Variants in PCDHGB6 observed in about 807,000 individuals in gnomAD.
The protein encoded by PCDHGB6 is protocadherin gamma subfamily B, 6, also known as protocadherin gamma-B6.
A neutral mutation model predicts 59.1 loss-of-function variants in PCDHGB6; 51 were observed. The observed-to-expected ratio is 0.86, with a 90% CI of 0.69 to 1.09. The LOEUF (loss-of-function observed/expected upper bound fraction) is 1.09, where lower values mean the gene tolerates loss of function less well. Among genes scored for constraint, PCDHGB6 ranks in the 50% least tolerant of loss-of-function variants. The pLI, the probability that PCDHGB6 is intolerant of heterozygous loss-of-function variation, is 0.00. For missense variants in PCDHGB6, 1,148 were observed against 1,205.1 expected, an observed-to-expected ratio of 0.95 and a Z score of 0.70; for synonymous variants, 466 against 495.1, an observed-to-expected ratio of 0.94 and a Z score of 0.78.
At chr5:141,415,966 C>A in intron 1 of PCDHGB6, 1 of 405,602 alleles carries the variant, frequency 2.5e-6, no homozygotes, top group East Asian at 5.2e-5. Context: ...AAACTCCAGC[C>A]CCTTAAGCAA....
Position 141,485,633 on chromosome 5 carries a change from T to C in PCDHGB6, c.2419-9174T>C. 2 of 1,611,808 alleles carry C rather than the reference T, an allele frequency of 1.2e-6. No homozygotes were observed. Among genetic ancestry groups the C allele is most frequent in the South Asian group, 1.1e-5 (1 of 90,962 alleles). On this transcript the variant is annotated intron_variant, in intron 1 of 3. Coordinates refer to ENST00000520790, the MANE Select transcript of PCDHGB6 (RefSeq NM_018926.3). The surrounding 1 kb of genome is among the most constrained non-coding windows in gnomAD (Gnocchi z 5.7). Reference sequence around the variant, plus strand: ...AGCTCCTCCAGGACAGCGTTTCCCGTTGGAAAAGGCTCAGGATGCAGATGT... The same window carrying C: ...AGCTCCTCCAGGACAGCGTTTCCCGCTGGAAAAGGCTCAGGATGCAGATGT...
chr5:141,478,826 G>A, intron 1 of PCDHGB6: 2 of 1,439,244 alleles, frequency 1.4e-6, no homozygotes, highest in Non-Finnish European at 1.8e-6. Context: ...AACCAATCTT[G>A]CTAAGGGATG....
chr5:141,415,966 C>G, intron 1 of PCDHGB6: 1 of 405,604 alleles, frequency 2.5e-6, no homozygotes, highest in Non-Finnish European at 4.0e-6. Flanking sequence ...AAACTCCAGC[C>G]CCTTAAGCAA....
chr5:141,476,951 A>C lies in PCDHGB6; in HGVS notation c.2419-17856A>C. On this transcript the variant is annotated intron_variant, in intron 1 of 3. Coordinates refer to ENST00000520790, the MANE Select transcript of PCDHGB6 (RefSeq NM_018926.3). The surrounding 1 kb of genome is among the most constrained non-coding windows in gnomAD (Gnocchi z 7.6). ...TCTGGATGAAGGCCCCAACGGTGAA[A>C]TTATTTACTCCTTCGGCAGCCACAA... 6.2e-7 allele frequency: 1 copy of C among 1,614,184 alleles called. No individual in the cohort carries two copies. Among genetic ancestry groups the C allele is most frequent in the South Asian group, 1.1e-5 (1 of 91,088 alleles).
At position 141,476,458 on chromosome 5, in the gene PCDHGB6, C is replaced by A. The variant is rs368153419; in HGVS notation, c.2419-18349C>A. Reference sequence around the variant, plus strand: ...TAACTCTGGAGTTGGTAGTGGAGAACCCGCTGGAGCTGTTCAGCGTGGAAG... The same window carrying A: ...TAACTCTGGAGTTGGTAGTGGAGAAACCGCTGGAGCTGTTCAGCGTGGAAG... On this transcript the variant is annotated intron_variant, in intron 1 of 3. Transcript: ENST00000520790. This position sits in a 1 kb window ranked among gnomAD's most constrained non-coding sequence, Gnocchi z 7.6. 1 of 1,613,928 alleles carries A rather than the reference C, an allele frequency of 6.2e-7. No individual in the cohort carries two copies. Among genetic ancestry groups the A allele is most frequent in the Non-Finnish European group, 8.5e-7 (1 of 1,180,022 alleles).
intron 1 of PCDHGB6, among the ~76,000 whole-genome samples, chr5:141,459,546 C>T (rs575349914): frequency 9.9e-5 from 15 of 152,102 alleles, no homozygotes; most frequent in African/African-American, 3.6e-4. Flanking sequence ...TTTTTTATTT[C>T]TCTTGGATAA....
At chr5:141,434,199 T>G (rs1406339464) in intron 1 of PCDHGB6, among the ~76,000 whole-genome samples, 1 of 151,914 alleles carries the variant, frequency 6.6e-6, no homozygotes, top group Non-Finnish European at 1.5e-5. Context: ...CCAATGTACT[T>G]ACTTCTGTCA....
chr5:141,491,438 G>A lies in PCDHGB6; in HGVS notation c.2419-3369G>A, dbSNP rs376927300. The A allele has an allele frequency of 3.7e-6, 6 of 1,614,066 alleles. No homozygotes were observed. Among genetic ancestry groups the A allele is most frequent in the Admixed American group, 1.7e-5 (1 of 60,016 alleles). On this transcript the variant is annotated intron_variant, in intron 1 of 3. Coordinates refer to ENST00000520790, the MANE Select transcript of PCDHGB6 (RefSeq NM_018926.3). This position sits in a 1 kb window ranked among gnomAD's most constrained non-coding sequence, Gnocchi z 6.9. ...GGGGGTGGAGGGCAGTGCTGCAGGC[G>A]CCAGGACTCACCCTCCCCGGACTTC...
At chr5:141,427,249 G>A (rs1417336994) in intron 1 of PCDHGB6, 1 of 456,742 alleles carries the variant, frequency 2.2e-6, no homozygotes, top group African/African-American at 2.0e-5. Context: ...GCTAAGGATG[G>A]TGGAGGCATG....
intron 1 of PCDHGB6, among the ~76,000 whole-genome samples, chr5:141,484,764 A>G (rs1469048336): frequency 6.6e-6 from 1 of 151,806 alleles, no homozygotes; most frequent in African/African-American, 2.4e-5. Flanking sequence ...ATATATATAT[A>G]TGTTGTCTGC....
At chr5:141,478,862 C>A in intron 1 of PCDHGB6, 1 of 1,326,032 alleles carries the variant, frequency 7.5e-7, no homozygotes, top group Non-Finnish European at 1.0e-6. Context: ...AAGATCTCAG[C>A]GATCAGAGTT....
intron 1 of PCDHGB6, chr5:141,412,940 T>G: frequency 2.2e-6 from 1 of 463,218 alleles, no homozygotes; most frequent in Non-Finnish European, 3.8e-6. Context: ...CTTAGGACTC[T>G]GAGCGCCGCT....
intron 1 of PCDHGB6, chr5:141,422,099 A>C (rs374091819): frequency 6.2e-7 from 1 of 1,609,706 alleles, no homozygotes; most frequent in Non-Finnish European, 8.5e-7. Context: ...AAGGCTTCTG[A>C]AATATTCCAA....
At chr5:141,415,468 G>A (rs762272586) in intron 1 of PCDHGB6, 8 of 1,614,070 alleles carry the variant, frequency 5.0e-6, no homozygotes, top group East Asian at 2.2e-5. Context: ...CTCTCTCACC[G>A]CGGACTCGCG....
chr5:141,455,343 G>A (rs1462807460), intron 1 of PCDHGB6, among the ~76,000 whole-genome samples: 1 of 152,036 alleles, frequency 6.6e-6, no homozygotes, highest in African/African-American at 2.4e-5. Flanking sequence ...TTTAAGGAGC[G>A]GAGAGTTTAA....
Position 141,409,997 on chromosome 5 carries a change from G to A in PCDHGB6, c.1795G>A (p.Gly599Arg). 1.9e-6 allele frequency: 3 copies of A among 1,613,224 alleles called. No homozygotes were observed. The African/African-American group carries it at 4.0e-5, about 22-fold the overall frequency. ...GGTGGTAGCGGTGGACGCCGACTCG[G>A]GACACAACGCCTGGCTGTCCTACCA... The part of the protein sequence containing the change: ...TKVVAVDADS[G>R]HNAWLSYHVL... Residue 599 changes from glycine (G) to arginine (R), a missense_variant, in exon 1 of 4, where the codon GGA (glycine) becomes AGA (arginine). Gly to Arg is a moderately radical substitution (Grantham distance 125). Coordinates refer to ENST00000520790, the MANE Select transcript of PCDHGB6 (RefSeq NM_018926.3).
intron 1 of PCDHGB6, among the ~76,000 whole-genome samples, chr5:141,480,290 C>T (rs1053173416): frequency 2.2e-5 from 3 of 134,088 alleles, no homozygotes; most frequent in Non-Finnish European, 4.7e-5. Flanking sequence ...TGGCATGCAC[C>T]TGTGGTACCA....
intron 1 of PCDHGB6, chr5:141,421,938 T>C (rs777643980): frequency 2.9e-5 from 46 of 1,613,346 alleles, no homozygotes; most frequent in Non-Finnish European, 3.5e-5. Context: ...TCGATGTAAA[T>C]GATCACATCC....
In PCDHGB6 at chr5:141,408,733, T is replaced by C. The variant is rs753545231; in HGVS notation, c.531T>C (p.Tyr177=). The C allele has an allele frequency of 7.5e-6, 12 of 1,610,158 alleles. No individual in the cohort carries two copies. The South Asian group carries it at 1.3e-4, about 18-fold the overall frequency. ...IKDYKINSNP[Y]FSLMVRVNSD... is the part of the protein sequence containing the mutation. Reference sequence around the variant, plus strand: ...ATTATAAGATAAACTCTAATCCTTATTTTTCATTAATGGTTAGAGTTAATT... The same window carrying C: ...ATTATAAGATAAACTCTAATCCTTACTTTTCATTAATGGTTAGAGTTAATT... Residue 177 remains tyrosine (Y), a synonymous_variant, in exon 1 of 4, where the codon TAT becomes TAC. Transcript: ENST00000520790.
Sources: gnomAD v4.1 joint callset for allele counts (sites outside exome capture counted in the v4.1 genomes callset) on GRCh38, gnomAD v4.1.1 for gene constraint, Gnocchi (gnomAD v3.1) non-coding constraint, MANE v1.5 for transcripts, NCBI Gene and HGNC (gene_info 2026-07-23, HGNC 2026-07-21) for gene names.